The following SRPK2 variants were observed in gnomAD, a reference collection of about 807,000 sequenced individuals.
SRPK2 encodes the protein SRSF protein kinase 2, also known as SFRS protein kinase 2.
SRPK2 carries 21 observed loss-of-function variants against 90.8 expected under a neutral mutation model. The ratio of observed to expected loss-of-function variants is 0.23; its 90% confidence interval spans 0.16 to 0.33. The LOEUF (loss-of-function observed/expected upper bound fraction) is 0.33. SRPK2 is among the 10% of genes least tolerant of loss of function. The pLI, the probability that SRPK2 is intolerant of heterozygous loss-of-function variation, is 1.00. For synonymous variants in SRPK2, 288 were observed against 311.1 expected (o/e 0.93, Z 0.78); for missense variants, 620 against 869.0 (o/e 0.71, Z 3.60).
At chr7:105,142,596 A>G in intron 10 of SRPK2, 106 bp from the exon 11 acceptor site, 1 of 1,438,200 alleles carries the variant, frequency 7.0e-7, no homozygotes, top group East Asian at 2.3e-5. Context: ...ATGCTTATGT[A>G]CCACCTGGTA....
intron 8 of SRPK2, among the ~76,000 whole-genome samples, chr7:105,145,665 A>G (rs1235513915): frequency 5.9e-5 from 9 of 151,532 alleles, no homozygotes; most frequent in Non-Finnish European, 8.8e-5. Context: ...TTAAAATATA[A>G]TGAAATGAAC....
chr7:105,146,574 C>G lies in SRPK2; in HGVS notation c.706G>C (p.Asp236His). 6.2e-7 allele frequency: 1 copy of G among 1,614,182 alleles called. No homozygotes were observed. Among genetic ancestry groups the G allele is most frequent in the Non-Finnish European group, 8.5e-7 (1 of 1,180,022 alleles). ...GCCATTCTTCTCACATATGCATCATCCACACACATCAAGATATTTTCCGGC... is the reference window on the plus strand; with the variant it reads ...GCCATTCTTCTCACATATGCATCATGCACACACATCAAGATATTTTCCGGC... ...IKPENILMCV[D>H]DAYVRRMAAE... is the part of the protein sequence containing the mutation. Residue 236 changes from aspartate to histidine, a missense_variant, in exon 8 of 16, where the codon GAT becomes CAT. Transcript: ENST00000393651.
chr7:105,222,830 A>T (rs1430135482), intron 2 of SRPK2, among the ~76,000 whole-genome samples: 1 of 152,242 alleles, frequency 6.6e-6, no homozygotes, highest in Non-Finnish European at 1.5e-5. Context: ...GACCTCATGG[A>T]GTCGTCTGTG....
intron 2 of SRPK2, among the ~76,000 whole-genome samples, chr7:105,274,172 C>T (rs1002186782): frequency 2.0e-5 from 3 of 152,238 alleles, no homozygotes; most frequent in South Asian, 2.1e-4. Context: ...GGTCTTAAAG[C>T]GTAATACAAG....
At chr7:105,326,349 A>C (rs1813593911) in intron 2 of SRPK2, among the ~76,000 whole-genome samples, 1 of 152,208 alleles carries the variant, frequency 6.6e-6, no homozygotes, top group Non-Finnish European at 1.5e-5. Context: ...AAAGCTGCGG[A>C]AAGGCATAGT....
At chr7:105,376,772 A>C (rs1820351224) in intron 2 of SRPK2, among the ~76,000 whole-genome samples, 1 of 151,200 alleles carries the variant, frequency 6.6e-6, no homozygotes, top group Non-Finnish European at 1.5e-5. Flanking sequence ...TCCTGACCTC[A>C]GGAGATCCAC....
At chr7:105,212,339 G>A (rs1288331774) in intron 2 of SRPK2, among the ~76,000 whole-genome samples, 1 of 152,192 alleles carries the variant, frequency 6.6e-6, no homozygotes, top group Admixed American at 6.5e-5. Flanking sequence ...GAAAGTGCAT[G>A]TAAACACACA....
chr7:105,170,851 GAAAGA>G lies in SRPK2; in HGVS notation c.230-1591_230-1587del, dbSNP rs1563025144. The stretch of plus-strand genomic sequence containing the variant: ...AGAAAGAAAGGAAGAAAGAAAGAAA[GAAAGA>G]AAGAAAGAAAGAAAGAAAGAAAGAA... On this transcript the variant is annotated intron_variant, in intron 3 of 15. Transcript: ENST00000393651. 3.2e-4 allele frequency among the ~76,000 whole-genome samples: 7 copies of G among 22,136 alleles called. No individual in the cohort carries two copies. In the Admixed American group the frequency reaches 3.3e-3, roughly 10 times the overall value. 14.5% of individuals were successfully genotyped at this position (22,136 alleles called of 152,430 possible). A position where few individuals can be genotyped will look rare whatever the true frequency, so the allele number is the denominator to read the frequency against.
chr7:105,204,884 T>C (rs1796001170), intron 2 of SRPK2: 1 of 407,446 alleles, frequency 2.5e-6, no homozygotes, highest in Non-Finnish European at 4.7e-6. Flanking sequence ...AGGTGGAATC[T>C]TGGTGTTATT....
At chr7:105,224,361 G>A (rs1472058644) in intron 2 of SRPK2, among the ~76,000 whole-genome samples, 1 of 152,090 alleles carries the variant, frequency 6.6e-6, no homozygotes, top group African/African-American at 2.4e-5. Context: ...TGTCATCCTA[G>A]GACTTTGGGA....
intron 2 of SRPK2, among the ~76,000 whole-genome samples, chr7:105,206,836 T>A (rs371830710): frequency 6.6e-6 from 1 of 152,226 alleles, no homozygotes; most frequent in African/African-American, 2.4e-5. Flanking sequence ...TAGTGGATGG[T>A]AGAACTCTGG....
At chr7:105,168,601 ATGTTT>A (rs1255894276) in intron 4 of SRPK2, among the ~76,000 whole-genome samples, 1 of 151,976 alleles carries the variant, frequency 6.6e-6, no homozygotes, top group African/African-American at 2.4e-5. Flanking sequence ...AATCTCTTTT[ATGTTT>A]TGTTTTGTTT....
chr7:105,149,463 G>C (rs909554827), intron 7 of SRPK2, among the ~76,000 whole-genome samples: 2 of 151,734 alleles, frequency 1.3e-5, no homozygotes, highest in African/African-American at 2.4e-5. Flanking sequence ...CCTTTTTGCT[G>C]AAATAATGAA....
intron 2 of SRPK2, among the ~76,000 whole-genome samples, chr7:105,211,096 G>A (rs1281067764): frequency 6.6e-6 from 1 of 152,198 alleles, no homozygotes; most frequent in South Asian, 2.1e-4. Context: ...CTACAAAACT[G>A]TGAGTTAATA....
Position 105,323,967 on chromosome 7 carries a change from TTGTGTGTGTGTG to T in SRPK2, c.71+64669_71+64680del, listed in dbSNP as rs58288208. Among the ~76,000 whole-genome samples, 1,030 of 133,880 alleles carry T rather than the reference TTGTGTGTGTGTG, an allele frequency of 7.7e-3. 12 individuals carry two copies. The highest frequency in any genetic ancestry group is 0.016 in the Middle Eastern group (4 of 254). 87.8% of individuals were successfully genotyped at this position (133,880 alleles called of 152,430 possible). ...AAAAAGACTTTGGTCAGACTATTCT[TTGTGTGTGTGTG>T]TGTGTGTGTGTGTGTGTGTGTGTGT... On this transcript the variant is annotated intron_variant, in intron 2 of 15. Transcript: ENST00000393651.
In SRPK2 at chr7:105,372,077, G is replaced by C. The variant is rs1326005527; in HGVS notation, c.71+16571C>G. On this transcript the variant is annotated intron_variant, in intron 2 of 15. Coordinates refer to ENST00000393651, the MANE Select transcript of SRPK2 (RefSeq NM_182692.3). ...ATGAACCCGGAAGGCGGAGGCCGCA[G>C]TGAGCCGAGATAGCGCCACTGCACT... Among the ~76,000 whole-genome samples the C allele has an allele frequency of 2.0e-5, 3 of 146,644 alleles. 1 individual carries two copies.
At chr7:105,239,267 G>A (rs984453095) in intron 2 of SRPK2, among the ~76,000 whole-genome samples, 2 of 152,134 alleles carry the variant, frequency 1.3e-5, no homozygotes, top group Admixed American at 6.5e-5. Context: ...TGTTATAAGC[G>A]ACCTAAAATT....
intron 2 of SRPK2, among the ~76,000 whole-genome samples, chr7:105,369,330 T>C (rs1819450249): frequency 6.6e-6 from 1 of 151,966 alleles, no homozygotes; most frequent in Non-Finnish European, 1.5e-5. Context: ...GTATTTTTAC[T>C]ACAGACAGGG....
chr7:105,282,975 G>A (rs1439504643), intron 2 of SRPK2, among the ~76,000 whole-genome samples: 1 of 150,708 alleles, frequency 6.6e-6, no homozygotes, highest in Non-Finnish European at 1.5e-5. Context: ...ATGATAAAGT[G>A]GGCAAGGGAT....
Sources: gnomAD v4.1 joint callset for allele counts (sites outside exome capture counted in the v4.1 genomes callset) on GRCh38, gnomAD v4.1.1 for gene constraint, MANE v1.5 for transcripts, NCBI Gene and HGNC (gene_info 2026-07-23, HGNC 2026-07-21) for gene names.